The following ST18 variants were observed in gnomAD, a reference collection of about 807,000 sequenced individuals.
ST18 encodes ST18 C2H2C-type zinc finger transcription factor, also known as suppression of tumorigenicity 18 protein.
ST18 carries 50 observed loss-of-function variants against 110.0 expected under a neutral mutation model. The ratio of observed to expected loss-of-function variants is 0.45; its 90% CI spans 0.36 to 0.58. ST18 has a LOEUF of 0.58. Among genes scored for constraint, ST18 ranks in the 20% least tolerant of loss-of-function variants. The pLI is 0.00. For missense variants in ST18, 1,306 were observed against 1,280.1 expected (o/e 1.02, Z -0.31); for synonymous variants, 461 against 452.4 (o/e 1.02, Z -0.24).
intron 2 of ST18, among the ~76,000 whole-genome samples, chr8:52,333,964 G>A (rs1054725791): frequency 3.3e-5 from 5 of 152,204 alleles, no homozygotes; most frequent in Admixed American, 6.5e-5. Flanking sequence ...GAGTGGGTCA[G>A]CCCTATCCCA....
rs774847177 is a variant in ST18, at chr8:52,143,011, T to C, written c.2087A>G (p.Glu696Gly). Residue 696 changes from glutamate to glycine, a missense_variant, in exon 17 of 26, where the codon GAA (glutamate) becomes GGA (glycine). By Grantham distance (98) the Glu-to-Gly change is moderately conservative. Coordinates refer to ENST00000689386, the MANE Select transcript of ST18 (RefSeq NM_001352837.2). ...DPVSSLENLE[E>G]KKFPGEASIP... Reference sequence around the variant, plus strand: ...AGAGGCCTCTCCAGGAAACTTTTTTTCCTCTAAATTTTCTAGAGAGCTCAC... The same window carrying C: ...AGAGGCCTCTCCAGGAAACTTTTTTCCCTCTAAATTTTCTAGAGAGCTCAC... The C allele has an allele frequency of 3.1e-6, 5 of 1,613,798 alleles. No individual in the cohort carries two copies. The highest frequency in any genetic ancestry group is 1.7e-5 in the Admixed American group (1 of 59,988).
chr8:52,362,688 G>A (rs2140464300), intron 2 of ST18, among the ~76,000 whole-genome samples: 1 of 152,186 alleles, frequency 6.6e-6, no homozygotes. Context: ...CATTGCTGAG[G>A]ACACAAGCAA....
chr8:52,293,092 A>G (rs1323563603), intron 2 of ST18, among the ~76,000 whole-genome samples: 1 of 152,252 alleles, frequency 6.6e-6, no homozygotes, highest in Non-Finnish European at 1.5e-5. Context: ...GTCCGCATAT[A>G]TACCCCTAAA....
intron 2 of ST18, among the ~76,000 whole-genome samples, chr8:52,321,863 A>G (rs1389497304): frequency 6.6e-6 from 1 of 152,230 alleles, no homozygotes; most frequent in African/African-American, 2.4e-5. Context: ...CATTAGAATT[A>G]CCATTAAATA....
intron 9 of ST18, among the ~76,000 whole-genome samples, chr8:52,176,265 C>T (rs1179094936): frequency 4.6e-5 from 7 of 152,062 alleles, no homozygotes; most frequent in Non-Finnish European, 7.4e-5. Flanking sequence ...CCTCGTGATC[C>T]GCCCGCCTCG....
At chr8:52,159,874 G>A (rs1175726425) in intron 14 of ST18, among the ~76,000 whole-genome samples, 7 of 152,150 alleles carry the variant, frequency 4.6e-5, no homozygotes, top group African/African-American at 1.7e-4. Flanking sequence ...TCATTCTTGA[G>A]TATTTGTAAA....
chr8:52,257,208 T>C (rs891867851), intron 2 of ST18, among the ~76,000 whole-genome samples: 3 of 152,230 alleles, frequency 2.0e-5, no homozygotes, highest in South Asian at 2.1e-4. Context: ...CATTCATTGA[T>C]TGATGGACAC....
intron 8 of ST18, among the ~76,000 whole-genome samples, chr8:52,195,549 C>T (rs2075932883): frequency 6.6e-6 from 1 of 151,906 alleles, no homozygotes; most frequent in Non-Finnish European, 1.5e-5. Flanking sequence ...TTACCAAAAT[C>T]ATAACTATAT....
At chr8:52,269,294 A>G (rs1183618957) in intron 2 of ST18, among the ~76,000 whole-genome samples, 5 of 152,224 alleles carry the variant, frequency 3.3e-5, no homozygotes, top group Non-Finnish European at 5.9e-5. Context: ...ACATAGCCTG[A>G]ATCCGATGGT....
At chr8:52,335,122 G>A (rs550449641) in intron 2 of ST18, among the ~76,000 whole-genome samples, 1 of 152,096 alleles carries the variant, frequency 6.6e-6, no homozygotes, top group South Asian at 2.1e-4. Context: ...CCAGGCAATA[G>A]AGAAATCAGC....
intron 8 of ST18, among the ~76,000 whole-genome samples, chr8:52,204,145 CTGT>C (rs1172904563): frequency 1.3e-5 from 2 of 152,204 alleles, no homozygotes; most frequent in African/African-American, 2.4e-5. Context: ...TGCCACACTA[CTGT>C]CAAGATTTGG....
intron 2 of ST18, among the ~76,000 whole-genome samples, chr8:52,329,378 C>A (rs1354904836): frequency 6.6e-6 from 1 of 152,022 alleles, no homozygotes; most frequent in Non-Finnish European, 1.5e-5. Context: ...AGACAGCCTC[C>A]AGCAGATCCC....
intron 3 of ST18, among the ~76,000 whole-genome samples, chr8:52,224,999 A>G (rs758174269): frequency 2.0e-5 from 3 of 152,146 alleles, no homozygotes; most frequent in South Asian, 2.1e-4. Context: ...GAAAAATGCA[A>G]TTTTTGCTTT....
At chr8:52,282,206 G>C (rs1422026940) in intron 2 of ST18, among the ~76,000 whole-genome samples, 1 of 151,630 alleles carries the variant, frequency 6.6e-6, no homozygotes, top group Non-Finnish European at 1.5e-5. Flanking sequence ...CCAAAACCAG[G>C]AGGAAAAAAA....
chr8:52,259,972 G>T (rs1401636528), intron 2 of ST18, among the ~76,000 whole-genome samples: 7 of 152,018 alleles, frequency 4.6e-5, no homozygotes. Context: ...TTCTAATGTT[G>T]CATCTTATAA....
intron 24 of ST18, among the ~76,000 whole-genome samples, chr8:52,116,636 A>G (rs543822260): frequency 6.6e-6 from 1 of 152,326 alleles, no homozygotes; most frequent in South Asian, 2.1e-4. Flanking sequence ...TTCCTCATGA[A>G]TTGTAGAACT....
intron 2 of ST18, among the ~76,000 whole-genome samples, chr8:52,401,577 T>G (rs7823559): frequency 0.011 from 1,610 of 152,122 alleles, 25 homozygotes; most frequent in African/African-American, 0.037. Context: ...TTCTTCTGCT[T>G]GATCTAGTCT....
intron 2 of ST18, among the ~76,000 whole-genome samples, chr8:52,316,803 T>C (rs2096036954): frequency 6.6e-6 from 1 of 152,224 alleles, no homozygotes; most frequent in Non-Finnish European, 1.5e-5. Flanking sequence ...CTTGAATATA[T>C]TACATCTTTA....
chr8:52,149,909 G>C lies in ST18; in HGVS notation c.1875C>G (p.Asp625Glu). 6.2e-7 allele frequency: 1 copy of C among 1,614,128 alleles called. No homozygotes were observed. Among genetic ancestry groups the C allele is most frequent in the Non-Finnish European group, 8.5e-7 (1 of 1,180,008 alleles). ...DLSMKKNRIL[D>E]KSAPLTSSNT... Reference sequence around the variant, plus strand: ...TAGAGGAAGTTAGGGGTGCAGACTTGTCCAGGATTCGATTTTTTTTCATGC... The same window carrying C: ...TAGAGGAAGTTAGGGGTGCAGACTTCTCCAGGATTCGATTTTTTTTCATGC... Residue 625 changes from aspartate to glutamate, a missense_variant, in exon 16 of 26, where the codon GAC becomes GAG. By Grantham distance (45) the Asp-to-Glu change is conservative (BLOSUM62 2). Transcript: ENST00000689386.
Sources: gnomAD v4.1 joint callset for allele counts (sites outside exome capture counted in the v4.1 genomes callset) on GRCh38, gnomAD v4.1.1 for gene constraint, MANE v1.5 for transcripts, NCBI Gene and HGNC (gene_info 2026-07-23, HGNC 2026-07-21) for gene names.